The following FGGY variants were observed in gnomAD, a reference collection of about 807,000 sequenced individuals.
The protein encoded by FGGY is FGGY carbohydrate kinase domain-containing protein.
Under a neutral mutation model 71.3 loss-of-function variants are expected in FGGY, and 72 were observed. That is an observed-to-expected ratio of 1.01 (90% CI 0.84 to 1.23). FGGY has a LOEUF of 1.23. Ranked by LOEUF, FGGY falls within the 50% of genes most tolerant of loss-of-function variation. The probability of loss-of-function intolerance (pLI) is 0.00; values close to 1 mark genes in which losing one functional copy is unlikely to be tolerated. For missense variants in FGGY, 668 were observed against 682.3 expected, an observed-to-expected ratio of 0.98 and a Z score of 0.23; for synonymous variants, 251 against 250.3, an observed-to-expected ratio of 1.00 and a Z score of -0.02.
At chr1:59,556,910 T>A (rs2095696146) in intron 8 of FGGY, among the ~76,000 whole-genome samples, 1 of 152,218 alleles carries the variant, frequency 6.6e-6, no homozygotes, top group South Asian at 2.1e-4. Context: ...AAGGCCAGTT[T>A]ATGATGGCTG....
At chr1:59,730,935 G>A (rs899855872) in intron 14 of FGGY, among the ~76,000 whole-genome samples, 1 of 152,168 alleles carries the variant, frequency 6.6e-6, no homozygotes, top group South Asian at 2.1e-4. Context: ...AGTAGCCCAC[G>A]CAAGGCAGGC....
chr1:59,439,641 C>T (rs1342565024), intron 5 of FGGY, among the ~76,000 whole-genome samples: 1 of 152,268 alleles, frequency 6.6e-6, no homozygotes, highest in South Asian at 2.1e-4. Flanking sequence ...TGATCGAAAC[C>T]CTCCCTTACT....
At chr1:59,614,018 C>A (rs574889267) in intron 9 of FGGY, among the ~76,000 whole-genome samples, 2 of 152,192 alleles carry the variant, frequency 1.3e-5, no homozygotes, top group South Asian at 2.1e-4. Context: ...ATCTTACCAA[C>A]CAAAAAAAGT....
intron 6 of FGGY, 58 bp from the exon 7 acceptor site, chr1:59,512,253 C>G (rs1252074043): frequency 1.4e-5 from 22 of 1,527,682 alleles, no homozygotes; most frequent in Non-Finnish European, 1.9e-5. Flanking sequence ...AAAAAACCCT[C>G]TGTTTACTTT....
chr1:59,736,356 G>C (rs2098103692), intron 14 of FGGY, among the ~76,000 whole-genome samples: 1 of 152,158 alleles, frequency 6.6e-6, no homozygotes, highest in African/African-American at 2.4e-5. Context: ...TTTGGAACTT[G>C]GTAACAGGCA....
At chr1:59,374,281 C>T (rs533831092) in intron 4 of FGGY, among the ~76,000 whole-genome samples, 2 of 152,344 alleles carry the variant, frequency 1.3e-5, no homozygotes, top group African/African-American at 4.8e-5. Context: ...GACATTTATG[C>T]AGCCAGAAAC....
chr1:59,361,781 A>G (rs572211552), intron 4 of FGGY, among the ~76,000 whole-genome samples: 2 of 152,240 alleles, frequency 1.3e-5, no homozygotes, highest in Non-Finnish European at 2.9e-5. Context: ...AGCTTTGAGC[A>G]CTCACGTCCT....
intron 13 of FGGY, 21 bp from the exon 14 acceptor site, chr1:59,674,018 G>T (rs757853838): frequency 3.1e-6 from 5 of 1,609,324 alleles, no homozygotes; most frequent in South Asian, 1.1e-5. Context: ...CCTAACCAAG[G>T]TGTGGCCTTG....
Position 59,325,135 on chromosome 1 carries a change from C to T in FGGY, c.201+3385C>T, listed in dbSNP as rs557536414. 3.9e-5 allele frequency among the ~76,000 whole-genome samples: 6 copies of T among 152,106 alleles called. No individual in the cohort carries two copies. The South Asian group carries it at 6.2e-4, about 16-fold the overall frequency. The stretch of plus-strand genomic sequence containing the variant: ...TTGGGAGGCCAAGGCGGGCGGATCA[C>T]GAGGTCAGGAGATTGAGACCATCCT... On this transcript the variant is annotated intron_variant, in intron 2 of 15. Coordinates refer to ENST00000303721, the MANE Select transcript of FGGY (RefSeq NM_018291.5).
At chr1:59,508,654 C>T (rs2094450248) in intron 6 of FGGY, among the ~76,000 whole-genome samples, 1 of 152,176 alleles carries the variant, frequency 6.6e-6, no homozygotes, top group African/African-American at 2.4e-5. Context: ...CTCTCTCATG[C>T]CAAGCTGTTT....
chr1:59,511,411 C>A (rs1380776621), intron 6 of FGGY, among the ~76,000 whole-genome samples: 2 of 151,012 alleles, frequency 1.3e-5, no homozygotes, highest in Admixed American at 1.3e-4. Context: ...CAACTCCTAG[C>A]CCCTCCCTGC....
chr1:59,541,827 C>A (rs2095444212), intron 7 of FGGY, among the ~76,000 whole-genome samples: 1 of 152,184 alleles, frequency 6.6e-6, no homozygotes, highest in Non-Finnish European at 1.5e-5. Flanking sequence ...GCCAGACTAC[C>A]TAAGTTTATA....
intron 10 of FGGY, among the ~76,000 whole-genome samples, chr1:59,636,211 C>T (rs769876909): frequency 5.3e-5 from 8 of 151,454 alleles, no homozygotes; most frequent in South Asian, 2.1e-4. Context: ...CACACGCACT[C>T]ACACACACAC....
intron 2 of FGGY, among the ~76,000 whole-genome samples, chr1:59,334,439 C>T (rs190015548): frequency 1.5e-4 from 23 of 152,242 alleles, no homozygotes; most frequent in Non-Finnish European, 3.1e-4. Context: ...CCATTGCACC[C>T]GGCCCCCACT....
intron 14 of FGGY, among the ~76,000 whole-genome samples, chr1:59,725,022 A>G (rs1237441425): frequency 1.3e-5 from 2 of 152,192 alleles, no homozygotes; most frequent in Non-Finnish European, 2.9e-5. Flanking sequence ...TTTTGTATCT[A>G]AACTTATCAC....
At chr1:59,432,371 G>A (rs969191957) in intron 5 of FGGY, among the ~76,000 whole-genome samples, 18 of 152,330 alleles carry the variant, frequency 1.2e-4, no homozygotes, top group Middle Eastern at 3.4e-3. Flanking sequence ...CCTCCAGTAT[G>A]TAGCTGATCA....
intron 14 of FGGY, among the ~76,000 whole-genome samples, chr1:59,745,214 A>C (rs2098185428): frequency 6.6e-6 from 1 of 152,152 alleles, no homozygotes; most frequent in South Asian, 2.1e-4. Context: ...GCCAGCTCCA[A>C]AGTCTAGGCC....
intron 1 of FGGY, among the ~76,000 whole-genome samples, chr1:59,308,300 G>C (rs1328071662): frequency 6.6e-6 from 1 of 152,182 alleles, no homozygotes; most frequent in Non-Finnish European, 1.5e-5. Flanking sequence ...AAGGCTGTTT[G>C]GATGATCCTT....
chr1:59,490,557 C>A (rs1186040232), intron 6 of FGGY, among the ~76,000 whole-genome samples: 1 of 152,010 alleles, frequency 6.6e-6, no homozygotes, highest in African/African-American at 2.4e-5. Flanking sequence ...TCTTTTGTTG[C>A]CTGTGCTTTT....
Sources: allele counts gnomAD v4.1 joint callset (sites outside exome capture counted in the v4.1 genomes callset), GRCh38; gene constraint gnomAD v4.1.1; transcripts MANE v1.5; gene names NCBI Gene and HGNC (gene_info 2026-07-23, HGNC 2026-07-21).